The following RRAS2 variants were observed in gnomAD, a reference collection of about 807,000 sequenced individuals.
RRAS2 encodes the protein ras-related protein R-Ras2.
Under a neutral mutation model 27.6 loss-of-function variants are expected in RRAS2, and 7 were observed. The observed-to-expected ratio is 0.25, with a 90% CI of 0.14 to 0.48. The LOEUF (loss-of-function observed/expected upper bound fraction) is 0.48, where lower values mean the gene tolerates loss of function less well. Ranked by LOEUF, RRAS2 falls within the 20% of genes least tolerant of loss-of-function variation. The pLI, the probability that RRAS2 is intolerant of heterozygous loss-of-function variation, is 0.99. For synonymous variants in RRAS2, 86 were observed against 90.9 expected (o/e 0.95, Z 0.31); for missense variants, 178 against 256.2 (o/e 0.69, Z 2.08).
intron 1 of RRAS2, among the ~76,000 whole-genome samples, chr11:14,317,079 T>C (rs1848124324): frequency 6.6e-6 from 1 of 152,028 alleles, no homozygotes; most frequent in African/African-American, 2.4e-5. Flanking sequence ...GTGGTAAGAG[T>C]AAATTTAGAA....
intron 1 of RRAS2, among the ~76,000 whole-genome samples, chr11:14,355,751 G>A (rs1293225189): frequency 1.3e-5 from 2 of 152,044 alleles, no homozygotes; most frequent in Admixed American, 6.5e-5. Flanking sequence ...TGGTGTTTCA[G>A]GAGTCTTAAA....
At chr11:14,362,274 T>C (rs1849200220), upstream of RRAS2, among the ~76,000 whole-genome samples, 1 of 152,228 alleles carries the variant, frequency 6.6e-6, no homozygotes, top group South Asian at 2.1e-4. Context: ...TTGCAAGGTT[T>C]CATTTGAACT....
At chr11:14,339,999 G>A (rs1848668400) in intron 1 of RRAS2, among the ~76,000 whole-genome samples, 1 of 151,522 alleles carries the variant, frequency 6.6e-6, no homozygotes, top group Non-Finnish European at 1.5e-5. Flanking sequence ...CAGGCCAGTG[G>A]TCCCAGCTAT....
intron 1 of RRAS2, among the ~76,000 whole-genome samples, chr11:14,330,932 T>G (rs1345216972): frequency 6.6e-6 from 1 of 152,224 alleles, no homozygotes; most frequent in Non-Finnish European, 1.5e-5. Context: ...GTTTGTTTGC[T>G]TGTTTTAGAG....
chr11:14,315,795 T>C (rs1848088573), intron 1 of RRAS2, among the ~76,000 whole-genome samples: 1 of 152,146 alleles, frequency 6.6e-6, no homozygotes, highest in Non-Finnish European at 1.5e-5. Context: ...GGATAAGACT[T>C]TTCTAATCAC....
At chr11:14,353,669 A>AAC (rs147468543) in intron 1 of RRAS2, among the ~76,000 whole-genome samples, 2 of 151,956 alleles carry the variant, frequency 1.3e-5, no homozygotes, top group South Asian at 4.2e-4. Flanking sequence ...CATGCACACA[A>AAC]ACACACACAC....
At chr11:14,297,899 C>G (rs1847596842) in intron 1 of RRAS2, among the ~76,000 whole-genome samples, 1 of 151,480 alleles carries the variant, frequency 6.6e-6, no homozygotes, top group African/African-American at 2.4e-5. Context: ...AAGAAATGTT[C>G]ACCAACAGCA....
chr11:14,357,648 G>A (rs1310107424), intron 1 of RRAS2, among the ~76,000 whole-genome samples: 1 of 152,182 alleles, frequency 6.6e-6, no homozygotes, highest in Non-Finnish European at 1.5e-5. Context: ...ATATTTTAAT[G>A]TCACTATAAA....
At chr11:14,350,726 CATGTTTT>C (rs1450089497) in intron 1 of RRAS2, among the ~76,000 whole-genome samples, 9 of 151,888 alleles carry the variant, frequency 5.9e-5, no homozygotes, top group Non-Finnish European at 1.3e-4. Context: ...AAAAAAATCT[CATGTTTT>C]AAGAAATTTT....
intron 1 of RRAS2, among the ~76,000 whole-genome samples, chr11:14,354,036 C>T (rs1554955164): frequency 6.6e-6 from 1 of 152,134 alleles, no homozygotes; most frequent in Admixed American, 6.5e-5. Context: ...GAAAAATCTT[C>T]GAGATGTAGC....
At chr11:14,337,471 T>A (rs958949187) in intron 1 of RRAS2, among the ~76,000 whole-genome samples, 1 of 152,218 alleles carries the variant, frequency 6.6e-6, no homozygotes, top group African/African-American at 2.4e-5. Flanking sequence ...AATGCCTACA[T>A]CATTTACCTC....
At chr11:14,305,777 G>C (rs541544687) in intron 1 of RRAS2, among the ~76,000 whole-genome samples, 2 of 152,130 alleles carry the variant, frequency 1.3e-5, no homozygotes, top group Non-Finnish European at 2.9e-5. Context: ...GTGCGCGATG[G>C]CTCACACCTG....
At position 14,337,353 on chromosome 11, in the gene RRAS2, TATCATGCCTCAACAAGCCATATC is replaced by T. The variant is rs551101735; in HGVS notation, c.108+21387_108+21409del. 1.8e-4 allele frequency among the ~76,000 whole-genome samples: 28 copies of T among 152,250 alleles called. No homozygotes were observed. The East Asian group carries it at 3.5e-3, about 19-fold the overall frequency. On this transcript the variant is annotated intron_variant, in intron 1 of 5. Transcript: ENST00000256196. ...GCTCTGAACATTCAACTGTTGACAT[TATCATGCCTCAACAAGCCATATC>T]ATCATGCCTCAACGATCCAGGATCA... is the stretch of plus-strand genomic sequence containing the variant.
chr11:14,296,717 C>A (rs12421958), intron 1 of RRAS2, among the ~76,000 whole-genome samples: 33,789 of 152,004 alleles, frequency 0.22, 4,528 homozygotes, highest in Admixed American at 0.35. Flanking sequence ...TTAGTAGGAA[C>A]CTCAAACTTA....
intron 1 of RRAS2, among the ~76,000 whole-genome samples, chr11:14,314,094 C>G (rs1221034685): frequency 2.0e-5 from 3 of 152,208 alleles, no homozygotes; most frequent in Non-Finnish European, 4.4e-5. Flanking sequence ...AATCTCTCAA[C>G]TTTAAAATGT....
Position 14,278,978 on chromosome 11 carries a change from T to C in RRAS2, c.*359A>G, listed in dbSNP as rs1293608356. ...TTAGAGTAACAGTAGGCAGTATGAT[T>C]CCAAAAGTTAAAAATTATTTCACAA... On this transcript the variant is annotated 3_prime_UTR_variant, in exon 6 of 6. Transcript: ENST00000256196. 6 of 178,804 alleles carry C rather than the reference T, an allele frequency of 3.4e-5. No homozygotes were observed. 11.1% of individuals were successfully genotyped at this position (178,804 alleles called of 1,614,324 possible).
chr11:14,316,499 G>A (rs1240111885), intron 1 of RRAS2, among the ~76,000 whole-genome samples: 1 of 152,224 alleles, frequency 6.6e-6, no homozygotes, highest in East Asian at 1.9e-4. Context: ...CAGAACTTGG[G>A]GAGGTTAAGG....
intron 1 of RRAS2, among the ~76,000 whole-genome samples, chr11:14,328,093 C>A (rs1554951297): frequency 6.6e-6 from 1 of 152,092 alleles, no homozygotes; most frequent in Non-Finnish European, 1.5e-5. Context: ...AATGGCCAGG[C>A]GCGGTGGCTC....
intron 4 of RRAS2, among the ~76,000 whole-genome samples, chr11:14,291,971 C>T (rs536005456): frequency 6.6e-6 from 1 of 152,180 alleles, no homozygotes; most frequent in East Asian, 1.9e-4. Flanking sequence ...ATACACTTTA[C>T]ACACATAGCC....
Sources: allele counts gnomAD v4.1 joint callset (sites outside exome capture counted in the v4.1 genomes callset), GRCh38; gene constraint gnomAD v4.1.1; transcripts MANE v1.5; gene names NCBI Gene and HGNC (gene_info 2026-07-23, HGNC 2026-07-21).